SNX24: variants seen among roughly 807,000 people sequenced by gnomAD.
The protein encoded by SNX24 is sorting nexin 24.
Under a neutral mutation model 28.7 loss-of-function variants are expected in SNX24, and 22 were observed. The ratio of observed to expected loss-of-function variants is 0.77; its 90% CI spans 0.55 to 1.10. The LOEUF (loss-of-function observed/expected upper bound fraction) is 1.10, where lower values mean the gene tolerates loss of function less well. Ranked by LOEUF, SNX24 falls within the 50% of genes least tolerant of loss-of-function variation. SNX24 has a pLI of 0.00. For missense variants in SNX24, 221 were observed against 201.1 expected, an observed-to-expected ratio of 1.10 and a Z score of -0.60; for synonymous variants, 69 against 71.5, an observed-to-expected ratio of 0.96 and a Z score of 0.18.
chr5:123,029,295 T>A, exon 6 of SNX24: 1 of 1,614,072 alleles, frequency 6.2e-7, no homozygotes, highest in African/African-American at 1.3e-5. Context: ...GAAATAAAAT[T>A]GAGACATACC....
chr5:122,942,461 T>C (rs1184104530), intron 2 of SNX24, among the ~76,000 whole-genome samples: 1 of 152,262 alleles, frequency 6.6e-6, no homozygotes, highest in African/African-American at 2.4e-5. Flanking sequence ...TGTTTCCCGC[T>C]TCTTTAACTT....
At chr5:122,978,655 G>T (rs1761265952) in intron 3 of SNX24, among the ~76,000 whole-genome samples, 1 of 152,140 alleles carries the variant, frequency 6.6e-6, no homozygotes, top group Non-Finnish European at 1.5e-5. Context: ...AAAGTATTCT[G>T]CTTGAATCAA....
chr5:122,915,008 A>C (rs1189135209), intron 1 of SNX24, among the ~76,000 whole-genome samples: 2 of 152,078 alleles, frequency 1.3e-5, no homozygotes, highest in African/African-American at 4.8e-5. Flanking sequence ...ATGCACGTTG[A>C]GTGTCCGTGA....
At chr5:122,972,274 G>A (rs1406890877) in intron 3 of SNX24, among the ~76,000 whole-genome samples, 5 of 152,164 alleles carry the variant, frequency 3.3e-5, no homozygotes, top group African/African-American at 9.7e-5. Flanking sequence ...ACATAATGTC[G>A]AGGGAACAGA....
chr5:122,902,511 A>G (rs1757484642), intron 1 of SNX24, among the ~76,000 whole-genome samples: 2 of 151,728 alleles, frequency 1.3e-5, no homozygotes, highest in South Asian at 4.2e-4. Context: ...TCCACTTAAC[A>G]CCTCCCCTCT....
In SNX24 at chr5:122,882,509, T is replaced by TC. The variant is rs1756526935; in HGVS notation, c.60+36818dup. Among the ~76,000 whole-genome samples, 7 of 152,358 alleles carry TC rather than the reference T, an allele frequency of 4.6e-5. 2 individuals carry two copies. In the South Asian group the frequency reaches 1.5e-3, roughly 32 times the overall value. On this transcript the variant is annotated intron_variant, in intron 1 of 6. Transcript: ENST00000261369. ...TCTGGATAGAGAGCCCTCTAGGCCT[T>TC]CCGGCCTTGGCACAGCACAGAGCTC...
chr5:122,929,724 CT>C lies in SNX24; in HGVS notation c.61-7000del, dbSNP rs766919892. Among the ~76,000 whole-genome samples, 42 of 149,468 alleles carry C rather than the reference CT, an allele frequency of 2.8e-4. No individual in the cohort carries two copies. In the Middle Eastern group the frequency reaches 0.01, roughly 37 times the overall value. On this transcript the variant is annotated intron_variant, in intron 1 of 6. Coordinates refer to ENST00000261369, the MANE Select transcript of SNX24 (RefSeq NM_014035.4). ...AAATTATAATAGGTATTAATCATAT[CT>C]TTTTTTTTTCCATGAAGGCATTCTT...
chr5:122,903,527 C>T (rs1366803863), intron 1 of SNX24, among the ~76,000 whole-genome samples: 1 of 152,200 alleles, frequency 6.6e-6, no homozygotes, highest in Non-Finnish European at 1.5e-5. Flanking sequence ...TCTGACTGAC[C>T]TGCAAATCAT....
intron 1 of SNX24, among the ~76,000 whole-genome samples, chr5:122,881,359 G>C (rs937700432): frequency 6.6e-6 from 1 of 152,212 alleles, no homozygotes; most frequent in East Asian, 1.9e-4. Context: ...TATGAATGAA[G>C]TTAGTCTAAT....
chr5:122,879,774 G>A (rs1000490137), intron 1 of SNX24, among the ~76,000 whole-genome samples: 2 of 152,112 alleles, frequency 1.3e-5, no homozygotes, highest in Non-Finnish European at 2.9e-5. Context: ...TCCTGCCTTG[G>A]CCTCCCAAAG....
At chr5:123,012,497 G>T (rs1209407623), downstream of SNX24, among the ~76,000 whole-genome samples, 1 of 152,186 alleles carries the variant, frequency 6.6e-6, no homozygotes, top group Non-Finnish European at 1.5e-5. Flanking sequence ...GTTGACAGAG[G>T]CTGGGGGAAA....
intron 5 of SNX24, among the ~76,000 whole-genome samples, chr5:123,015,144 C>T (rs1762657778): frequency 6.6e-6 from 1 of 152,178 alleles, no homozygotes; most frequent in African/African-American, 2.4e-5. Flanking sequence ...GCAGGGGTAG[C>T]GTCTGACTTG....
intron 1 of SNX24, among the ~76,000 whole-genome samples, chr5:122,852,263 ATT>A (rs1452503244): frequency 2.0e-5 from 3 of 151,394 alleles, no homozygotes; most frequent in African/African-American, 7.3e-5. Context: ...TTGCTGAACT[ATT>A]TTGTATTTTT....
chr5:123,002,062 A>C, intron 6 of SNX24, 58 bp downstream of exon 6: 1 of 1,370,790 alleles, frequency 7.3e-7, no homozygotes, highest in Non-Finnish European at 1.0e-6. Flanking sequence ...GCACCACATA[A>C]ACCACGTTTT....
intron 3 of SNX24, among the ~76,000 whole-genome samples, chr5:122,947,666 G>A (rs185966019): frequency 6.6e-6 from 1 of 152,182 alleles, no homozygotes; most frequent in African/African-American, 2.4e-5. Context: ...ATAGCTTCAG[G>A]CAACACTGCA....
At chr5:123,028,756 A>G (rs1175316123) in intron 5 of SNX24, 3 of 1,590,730 alleles carry the variant, frequency 1.9e-6, no homozygotes, top group Non-Finnish European at 1.7e-6. Flanking sequence ...ATGGGAAAGG[A>G]AAAATGCAAA....
intron 3 of SNX24, among the ~76,000 whole-genome samples, chr5:122,947,249 G>A: frequency 6.6e-6 from 1 of 152,016 alleles, no homozygotes; most frequent in Non-Finnish European, 1.5e-5. Context: ...GAGGGAAACT[G>A]AGGACTGTGG....
chr5:122,851,882 G>A (rs1754934395), intron 1 of SNX24, among the ~76,000 whole-genome samples: 1 of 151,904 alleles, frequency 6.6e-6, no homozygotes, highest in Admixed American at 6.6e-5. Flanking sequence ...ATTTTACAGT[G>A]TATACCTGAC....
chr5:122,920,560 A>G (rs918470777), intron 1 of SNX24, among the ~76,000 whole-genome samples: 4 of 152,238 alleles, frequency 2.6e-5, no homozygotes, highest in Non-Finnish European at 5.9e-5. Flanking sequence ...TTGCAGAGCA[A>G]TATACATGAC....
Sources: allele counts gnomAD v4.1 joint callset (sites outside exome capture counted in the v4.1 genomes callset), GRCh38; gene constraint gnomAD v4.1.1; transcripts MANE v1.5; gene names NCBI Gene and HGNC (gene_info 2026-07-23, HGNC 2026-07-21).